The following SPHKAP variants were observed in gnomAD, a reference collection of about 807,000 sequenced individuals.
SPHKAP encodes the protein SPHK1 interactor, AKAP domain containing, also known as A-kinase anchor protein SPHKAP.
A neutral mutation model predicts 137.5 loss-of-function variants in SPHKAP; 67 were observed. The observed-to-expected ratio is 0.49, with a 90% CI of 0.40 to 0.60. The LOEUF is 0.60. SPHKAP is among the 20% of genes least tolerant of loss of function. The pLI is 0.00. For missense variants in SPHKAP, 2,097 were observed against 2,069.3 expected, an observed-to-expected ratio of 1.01 and a Z score of -0.26; for synonymous variants, 813 against 785.3, an observed-to-expected ratio of 1.04 and a Z score of -0.59.
At position 228,132,097 on chromosome 2, in the gene SPHKAP, C is replaced by G; in HGVS notation, c.33-12G>C. 1 of 1,609,142 alleles carries G rather than the reference C, an allele frequency of 6.2e-7. No homozygotes were observed. Among genetic ancestry groups the G allele is most frequent in the South Asian group, 1.1e-5 (1 of 90,952 alleles). ...ATGACTCCAAGTTGCTGTTTGTGAC[C>G]CAAAACACAAAAACACATTCCAGTG... On this transcript the variant is annotated splice_polypyrimidine_tract_variant and intron_variant, in intron 1 of 11. Coordinates refer to ENST00000392056, the MANE Select transcript of SPHKAP (RefSeq NM_001142644.2).
chr2:228,162,431 C>G (rs1700300304), intron 1 of SPHKAP, among the ~76,000 whole-genome samples: 1 of 152,158 alleles, frequency 6.6e-6, no homozygotes, highest in Non-Finnish European at 1.5e-5. Flanking sequence ...CCCTTAATTA[C>G]TGATTGGTAA....
chr2:228,165,404 T>G (rs1356674692), intron 1 of SPHKAP, among the ~76,000 whole-genome samples: 1 of 152,232 alleles, frequency 6.6e-6, no homozygotes, highest in African/African-American at 2.4e-5. Context: ...GCCTGCTTTC[T>G]TCCTGGAACA....
intron 3 of SPHKAP, among the ~76,000 whole-genome samples, chr2:228,034,355 C>T (rs1238340510): frequency 1.3e-5 from 2 of 152,176 alleles, no homozygotes; most frequent in African/African-American, 4.8e-5. Context: ...CTGAGTAGAG[C>T]AATAACAGGC....
At chr2:228,064,280 A>G (rs1490073165) in intron 3 of SPHKAP, among the ~76,000 whole-genome samples, 1 of 152,220 alleles carries the variant, frequency 6.6e-6, no homozygotes, top group African/African-American at 2.4e-5. Context: ...ACAACCAGGC[A>G]GAAGAATCAC....
intron 3 of SPHKAP, among the ~76,000 whole-genome samples, chr2:228,100,910 C>T (rs997226919): frequency 6.6e-6 from 1 of 151,986 alleles, no homozygotes; most frequent in Non-Finnish European, 1.5e-5. Flanking sequence ...GGAGTAGTTT[C>T]TGCAGGATTT....
intron 2 of SPHKAP, among the ~76,000 whole-genome samples, chr2:228,112,611 A>G (rs1698553760): frequency 6.6e-6 from 1 of 152,076 alleles, no homozygotes; most frequent in South Asian, 2.1e-4. Flanking sequence ...GCCAAAAGTC[A>G]TCAGTCTGAA....
At chr2:228,074,593 C>T (rs977470197) in intron 3 of SPHKAP, among the ~76,000 whole-genome samples, 1 of 152,166 alleles carries the variant, frequency 6.6e-6, no homozygotes, top group Non-Finnish European at 1.5e-5. Flanking sequence ...CACCTGGCCC[C>T]ACCCTTGACA....
chr2:228,098,173 A>G (rs1559172329), intron 3 of SPHKAP, among the ~76,000 whole-genome samples: 1 of 152,030 alleles, frequency 6.6e-6, no homozygotes, highest in East Asian at 1.9e-4. Context: ...ACAAATGGCC[A>G]TTCTGACTAG....
chr2:228,104,261 C>T (rs1394607010), intron 3 of SPHKAP, among the ~76,000 whole-genome samples: 1 of 141,686 alleles, frequency 7.1e-6, no homozygotes, highest in Admixed American at 7.2e-5. Context: ...TTATATATAT[C>T]ATTATATTAT....
At chr2:228,136,478 T>A (rs1355989787) in intron 1 of SPHKAP, among the ~76,000 whole-genome samples, 2 of 152,222 alleles carry the variant, frequency 1.3e-5, no homozygotes, top group Non-Finnish European at 2.9e-5. Context: ...CAGTGACTCA[T>A]GCAGTATGAA....
In SPHKAP at chr2:228,019,057, C is replaced by A. The variant is rs1694731006; in HGVS notation, c.1797G>T (p.Met599Ile). 6.2e-7 allele frequency: 1 copy of A among 1,613,994 alleles called. No individual in the cohort carries two copies. The highest frequency in any genetic ancestry group is 1.7e-5 in the Admixed American group (1 of 59,998). Reference protein sequence around the residue: ...LPPAAEASEAMPPLCGLASME... With the variant: ...LPPAAEASEAIPPLCGLASME... ...TGCTTGCTAAACCACAAAGTGGGGGCATGGCTTCAGAAGCCTCAGCTGCAG... is the reference window on the plus strand; with the variant it reads ...TGCTTGCTAAACCACAAAGTGGGGGAATGGCTTCAGAAGCCTCAGCTGCAG... Residue 599 changes from methionine (M) to isoleucine (I), a missense_variant, in exon 7 of 12, where the codon ATG (methionine) becomes ATT (isoleucine). Coordinates refer to ENST00000392056, the MANE Select transcript of SPHKAP (RefSeq NM_001142644.2).
At chr2:228,090,372 G>T (rs536952398) in intron 3 of SPHKAP, among the ~76,000 whole-genome samples, 1 of 152,206 alleles carries the variant, frequency 6.6e-6, no homozygotes, top group Non-Finnish European at 1.5e-5. Flanking sequence ...TATCTTGGAA[G>T]TAAATAACTT....
chr2:228,179,481 T>G (rs1700837150), intron 1 of SPHKAP, among the ~76,000 whole-genome samples: 1 of 152,164 alleles, frequency 6.6e-6, no homozygotes, highest in Non-Finnish European at 1.5e-5. Context: ...TTGTATACAA[T>G]GAAATAGAGG....
chr2:228,113,505 C>A (rs1288812010), intron 2 of SPHKAP, among the ~76,000 whole-genome samples: 2 of 152,034 alleles, frequency 1.3e-5, no homozygotes, highest in African/African-American at 4.8e-5. Context: ...TTCAGTCAGG[C>A]TCCCAGACAT....
At chr2:228,005,013 A>G (rs1465867147) in intron 7 of SPHKAP, among the ~76,000 whole-genome samples, 1 of 152,214 alleles carries the variant, frequency 6.6e-6, no homozygotes, top group East Asian at 1.9e-4. Context: ...TGTGGTTCTG[A>G]GAAGAATGTA....
intron 3 of SPHKAP, among the ~76,000 whole-genome samples, chr2:228,032,336 A>C (rs1695365459): frequency 6.6e-6 from 1 of 152,228 alleles, no homozygotes; most frequent in Non-Finnish European, 1.5e-5. Context: ...TAGAGAAAAA[A>C]GAATTAAAAA....
intron 3 of SPHKAP, among the ~76,000 whole-genome samples, chr2:228,030,513 C>CAAAAAAAAAAAAA (rs11287311): frequency 4.1e-5 from 2 of 48,772 alleles, no homozygotes; most frequent in African/African-American, 7.4e-5. Context: ...GATACCATCT[C>CAAAAAAAAAAAAA]AAAAAAAAAA....
At chr2:228,043,110 A>T (rs528516038) in intron 3 of SPHKAP, among the ~76,000 whole-genome samples, 33 of 152,234 alleles carry the variant, frequency 2.2e-4, no homozygotes, top group Non-Finnish European at 4.1e-4. Flanking sequence ...AATTTCAAAA[A>T]TGAATAATGC....
intron 3 of SPHKAP, among the ~76,000 whole-genome samples, chr2:228,076,087 C>T (rs955853786): frequency 2.0e-5 from 3 of 152,118 alleles, no homozygotes; most frequent in Non-Finnish European, 4.4e-5. Context: ...ATGGGAGTTT[C>T]CCTGCACAAG....
Sources: gnomAD v4.1 joint callset for allele counts (sites outside exome capture counted in the v4.1 genomes callset) on GRCh38, gnomAD v4.1.1 for gene constraint, MANE v1.5 for transcripts, NCBI Gene and HGNC (gene_info 2026-07-23, HGNC 2026-07-21) for gene names.